POF1B: variants seen among roughly 807,000 people sequenced by gnomAD.
POF1B encodes POF1B actin binding protein, also known as protein POF1B.
POF1B carries 53 observed loss-of-function variants against 55.3 expected under a neutral mutation model. That is an observed-to-expected ratio of 0.96 (90% CI 0.77 to 1.20). The LOEUF is 1.20. POF1B is among the 50% of genes most tolerant of loss of function. The pLI is 0.00. For missense variants in POF1B, 478 were observed against 420.5 expected (o/e 1.14, Z -1.20); for synonymous variants, 188 against 148.3 (o/e 1.27, Z -1.95).
At chrX:85,354,766 C>T (rs1933456874) in intron 4 of POF1B, among the ~76,000 whole-genome samples, 1 of 110,962 alleles carries the variant, frequency 9.0e-6, no homozygotes, top group Non-Finnish European at 1.9e-5. Flanking sequence ...TGAAGGACCT[C>T]TTCAAGGAGA....
intron 4 of POF1B, among the ~76,000 whole-genome samples, chrX:85,351,824 C>G (rs1933395814): frequency 9.0e-6 from 1 of 110,594 alleles, no homozygotes; most frequent in Non-Finnish European, 1.9e-5. Context: ...AGATTTCTTT[C>G]TATGCAAAAA....
chrX:85,298,652 T>G (rs751707420), intron 15 of POF1B, among the ~76,000 whole-genome samples: 2 of 112,203 alleles, frequency 1.8e-5, no homozygotes, highest in South Asian at 7.4e-4. Context: ...TGGTCTTTTG[T>G]GGTGGGAGAA....
At chrX:85,341,780 T>C (rs113575807) in intron 6 of POF1B, among the ~76,000 whole-genome samples, 1 of 110,979 alleles carries the variant, frequency 9.0e-6, no homozygotes, top group African/African-American at 3.3e-5. Flanking sequence ...AACATTATAG[T>C]GAGCTTCACA....
chrX:85,362,398 A>G (rs2147946371), intron 3 of POF1B, among the ~76,000 whole-genome samples: 1 of 111,175 alleles, frequency 9.0e-6, no homozygotes, highest in South Asian at 3.8e-4. Context: ...TATGGCTCTT[A>G]TTATTTTAAA....
intron 11 of POF1B, among the ~76,000 whole-genome samples, 168 bp from the exon 12 acceptor site, chrX:85,306,501 G>C (rs1383179666): frequency 2.7e-5 from 3 of 111,214 alleles, no homozygotes; most frequent in Admixed American, 1.9e-4. Context: ...AGATATTATA[G>C]TGTTGCCTCT....
At chrX:85,304,523 T>C (rs1303956599) in intron 13 of POF1B, 52 bp from the exon 14 acceptor site, 1 of 786,898 alleles carries the variant, frequency 1.3e-6, no homozygotes, top group Admixed American at 4.9e-5. Context: ...ATAGAAAATG[T>C]GTAACTGAGT....
intron 6 of POF1B, among the ~76,000 whole-genome samples, chrX:85,336,950 GT>G (rs1482184684): frequency 1.8e-5 from 2 of 111,423 alleles, no homozygotes; most frequent in African/African-American, 6.5e-5. Flanking sequence ...TATGTCTTTA[GT>G]CCATTTTGAT....
At chrX:85,367,216 C>T (rs1933739763) in intron 3 of POF1B, among the ~76,000 whole-genome samples, 1 of 111,502 alleles carries the variant, frequency 9.0e-6, no homozygotes, top group Non-Finnish European at 1.9e-5. Context: ...TACACAATGC[C>T]TAGATTCAAG....
At chrX:85,323,247 G>A (rs1477760437) in intron 7 of POF1B, among the ~76,000 whole-genome samples, 9 of 111,126 alleles carry the variant, frequency 8.1e-5, no homozygotes, top group East Asian at 2.8e-4. Context: ...CATATACACC[G>A]TGGAATACTA....
chrX:85,282,780 TAGAG>T (rs1470273418), intron 15 of POF1B, among the ~76,000 whole-genome samples: 1 of 110,200 alleles, frequency 9.1e-6, no homozygotes, highest in Non-Finnish European at 1.9e-5. Flanking sequence ...GCTACATAGA[TAGAG>T]AGAGGTCAGG....
chrX:85,336,540 G>A (rs1933077054), intron 6 of POF1B, among the ~76,000 whole-genome samples: 1 of 111,040 alleles, frequency 9.0e-6, no homozygotes, highest in African/African-American at 3.3e-5. Flanking sequence ...GTTTTGATTT[G>A]CATTTCTCTG....
At chrX:85,338,256 G>A (rs1933110586) in intron 6 of POF1B, among the ~76,000 whole-genome samples, 1 of 111,637 alleles carries the variant, frequency 9.0e-6, no homozygotes, top group South Asian at 3.7e-4. Context: ...AGTAAGTAGT[G>A]AGAAAGTTGA....
Position 85,345,899 on chromosome X carries a change from A to T in POF1B, c.684T>A (p.Asn228Lys). 8.3e-7 allele frequency: 1 copy of T among 1,207,416 alleles called. No individual in the cohort carries two copies. Among genetic ancestry groups the T allele is most frequent in the Non-Finnish European group, 1.1e-6 (1 of 893,105 alleles). Residue 228 changes from asparagine to lysine, a missense_variant, in exon 6 of 17, where the codon AAT becomes AAA. By Grantham distance (94) the Asn-to-Lys change is moderately conservative. Coordinates refer to ENST00000262753, the MANE Select transcript of POF1B (RefSeq NM_024921.4). ...GNNPISTHIG[N>K]ELCHSGSSQI... ...GGCTTGATCCACTATGGCACAGTTC[A>T]TTTCCAATATGTGTAGAAATTGGAT...
chrX:85,326,319 G>A (rs1055923189), intron 7 of POF1B, among the ~76,000 whole-genome samples: 1 of 111,277 alleles, frequency 9.0e-6, no homozygotes, highest in Non-Finnish European at 1.9e-5. Flanking sequence ...CCCTGCATGC[G>A]TTTGCCCGGC....
Position 85,345,999 on chromosome X carries a change from T to C in POF1B, c.584A>G (p.Gln195Arg), listed in dbSNP as rs1335402057. 1.7e-6 allele frequency: 2 copies of C among 1,199,900 alleles called. No individual in the cohort carries two copies. The highest frequency in any genetic ancestry group is 3.0e-5 in the East Asian group (1 of 33,422). Residue 195 changes from glutamine to arginine, a missense_variant, in exon 6 of 17, where the codon CAG becomes CGG. Physicochemically the swap from Gln to Arg is conservative, Grantham distance 43. Transcript: ENST00000262753. ...QAQCHHHIIQ[Q>R]PQVIHSAHWQ... The stretch of plus-strand genomic sequence containing the variant: ...GTGTGCAGAGTGGATGACCTGGGGC[T>C]GTTGGATAATGTGATGATGGCATTG...
At chrX:85,310,634 T>A (rs1273078349) in intron 9 of POF1B, among the ~76,000 whole-genome samples, 1 of 111,824 alleles carries the variant, frequency 8.9e-6, no homozygotes, top group Non-Finnish European at 1.9e-5. Context: ...ATGTTCAGAG[T>A]CCTGGAAGGA....
Position 85,356,321 on chromosome X carries a change from AG to A in POF1B, c.438+3228del, listed in dbSNP as rs970897217. Among the ~76,000 whole-genome samples, 32 of 88,255 alleles carry A rather than the reference AG, an allele frequency of 3.6e-4. 1 individual carries two copies. The highest frequency in any genetic ancestry group is 6.7e-4 in the Non-Finnish European group (30 of 44,853). 76.6% of individuals were successfully genotyped at this position (88,255 alleles called of 115,157 possible). A position where few individuals can be genotyped will look rare whatever the true frequency, so the allele number is the denominator to read the frequency against. On this transcript the variant is annotated intron_variant, in intron 4 of 16. Transcript: ENST00000262753. ...CTGGGGCCTGTTGTGGGGTGGAGGG[AG>A]GGGGGGATAGCATTAGGAGATATAC... is the stretch of plus-strand genomic sequence containing the variant.
intron 3 of POF1B, among the ~76,000 whole-genome samples, chrX:85,359,991 GAA>G (rs1385624694): frequency 9.1e-6 from 1 of 110,019 alleles, no homozygotes; most frequent in Non-Finnish European, 1.9e-5. Flanking sequence ...TAAAAAAAAT[GAA>G]AAGAGACATA....
At chrX:85,371,207 C>T (rs1249714816) in intron 2 of POF1B, among the ~76,000 whole-genome samples, 1 of 111,367 alleles carries the variant, frequency 9.0e-6, no homozygotes, top group East Asian at 2.8e-4. Context: ...TGGGTGTGGG[C>T]GAGTGTGGAT....
Sources: allele counts gnomAD v4.1 joint callset (sites outside exome capture counted in the v4.1 genomes callset), GRCh38; gene constraint gnomAD v4.1.1; transcripts MANE v1.5; gene names NCBI Gene and HGNC (gene_info 2026-07-23, HGNC 2026-07-21).